The following SNX30 variants were observed in gnomAD, a reference collection of about 807,000 sequenced individuals.
SNX30 encodes the protein sorting nexin-30.
A neutral mutation model predicts 46.4 loss-of-function variants in SNX30; 24 were observed. The observed-to-expected ratio is 0.52, with a 90% CI of 0.37 to 0.73. The LOEUF is 0.73. SNX30 is among the 30% of genes least tolerant of loss of function. The probability of loss-of-function intolerance (pLI) is 0.00; values close to 1 mark genes in which losing one functional copy is unlikely to be tolerated. For missense variants in SNX30, 533 were observed against 555.7 expected, an observed-to-expected ratio of 0.96 and a Z score of 0.41; for synonymous variants, 189 against 211.5, an observed-to-expected ratio of 0.89 and a Z score of 0.92.
intron 1 of SNX30, among the ~76,000 whole-genome samples, chr9:112,790,276 GTT>G (rs1839998121): frequency 6.6e-6 from 1 of 152,172 alleles, no homozygotes; most frequent in African/African-American, 2.4e-5. Context: ...TATTTAGACT[GTT>G]AAAAATTATA....
chr9:112,751,272 G>T, intron 1 of SNX30, 115 bp downstream of exon 1: 1 of 1,229,484 alleles, frequency 8.1e-7, no homozygotes. Flanking sequence ...CCCTTCCCGG[G>T]GGACGGGCGT....
chr9:112,863,141 G>A (rs1276023748), intron 7 of SNX30, among the ~76,000 whole-genome samples: 2 of 152,294 alleles, frequency 1.3e-5, no homozygotes, highest in East Asian at 3.9e-4. Flanking sequence ...CCTCAGGCCT[G>A]TCTTTCTCAT....
intron 3 of SNX30, among the ~76,000 whole-genome samples, chr9:112,819,778 G>A (rs1283681558): frequency 6.6e-6 from 1 of 152,172 alleles, no homozygotes; most frequent in Non-Finnish European, 1.5e-5. Flanking sequence ...GGGGTAATGT[G>A]TTTGGGGAGG....
chr9:112,841,962 GA>G (rs1840866464), intron 6 of SNX30, among the ~76,000 whole-genome samples: 1 of 152,140 alleles, frequency 6.6e-6, no homozygotes, highest in Non-Finnish European at 1.5e-5. Context: ...TTATTTTTTG[GA>G]GATGGACTCT....
At chr9:112,794,833 G>A (rs1223419453) in intron 1 of SNX30, among the ~76,000 whole-genome samples, 2 of 152,126 alleles carry the variant, frequency 1.3e-5, no homozygotes, top group Admixed American at 6.5e-5. Flanking sequence ...TGAACCAGAG[G>A]AGTTTGTAAA....
intron 3 of SNX30, among the ~76,000 whole-genome samples, chr9:112,819,877 G>A (rs1241381158): frequency 1.3e-5 from 2 of 152,142 alleles, no homozygotes; most frequent in Non-Finnish European, 2.9e-5. Context: ...AACCTCCATC[G>A]CCTGACTTGA....
chr9:112,832,457 AGAGTGTGT>A (rs1244828273), intron 4 of SNX30, among the ~76,000 whole-genome samples: 6 of 112,398 alleles, frequency 5.3e-5, no homozygotes, highest in Admixed American at 1.9e-4. Context: ...AGAGAGAGAG[AGAGTGTGT>A]GTGTGTGTGT....
chr9:112,865,653 A>G (rs376954701), intron 8 of SNX30, among the ~76,000 whole-genome samples: 20,387 of 110,394 alleles, frequency 0.18, 3,013 homozygotes, highest in Non-Finnish European at 0.23. Flanking sequence ...ATATATATAT[A>G]TATATATATG....
chr9:112,834,480 G>A (rs1292428707), intron 4 of SNX30, among the ~76,000 whole-genome samples: 1 of 152,174 alleles, frequency 6.6e-6, no homozygotes, highest in Non-Finnish European at 1.5e-5. Flanking sequence ...CAGATGAAGA[G>A]TTGCATTGGG....
intron 2 of SNX30, among the ~76,000 whole-genome samples, chr9:112,809,351 A>G (rs2131409089): frequency 6.6e-6 from 1 of 152,030 alleles, no homozygotes; most frequent in East Asian, 1.9e-4. Context: ...AAGTGCTGGG[A>G]TTACAGGCGT....
At chr9:112,877,800 G>A (rs72751718), downstream of SNX30, 22,899 of 152,110 alleles carry the variant, frequency 0.15, 1,943 homozygotes, top group Non-Finnish European at 0.19. Flanking sequence ...GCTCACTGCA[G>A]CCTTGAACTC....
intron 7 of SNX30, among the ~76,000 whole-genome samples, chr9:112,863,191 G>T (rs1841264838): frequency 6.6e-6 from 1 of 152,158 alleles, no homozygotes; most frequent in Non-Finnish European, 1.5e-5. Context: ...ACGAGGCTTG[G>T]GTATAAACCT....
At chr9:112,819,574 C>T (rs1840460557) in intron 3 of SNX30, among the ~76,000 whole-genome samples, 1 of 152,080 alleles carries the variant, frequency 6.6e-6, no homozygotes, top group African/African-American at 2.4e-5. Flanking sequence ...GCCCAAGTTC[C>T]TTTTTTCTGT....
intron 2 of SNX30, among the ~76,000 whole-genome samples, chr9:112,808,141 G>C (rs1226871211): frequency 2.0e-5 from 3 of 152,198 alleles, no homozygotes; most frequent in Non-Finnish European, 4.4e-5. Context: ...GAGAATGAGA[G>C]AAAGAGAACA....
chr9:112,761,594 GA>G (rs1298787982), intron 1 of SNX30, among the ~76,000 whole-genome samples: 1 of 152,212 alleles, frequency 6.6e-6, no homozygotes. Context: ...AGAAAGATTA[GA>G]AAATATAAAG....
chr9:112,866,836 T>A (rs1373049405), intron 8 of SNX30, among the ~76,000 whole-genome samples: 1 of 112,298 alleles, frequency 8.9e-6, no homozygotes, highest in African/African-American at 3.6e-5. Flanking sequence ...TCCTCCCACC[T>A]CCTCAGAACT....
chr9:112,783,425 G>C (rs2131378058), intron 1 of SNX30, among the ~76,000 whole-genome samples: 1 of 152,326 alleles, frequency 6.6e-6, no homozygotes, highest in African/African-American at 2.4e-5. Flanking sequence ...CTTACACAGT[G>C]CCTGGCAGAG....
intron 7 of SNX30, among the ~76,000 whole-genome samples, chr9:112,860,144 C>T (rs1841204035): frequency 6.6e-6 from 1 of 152,070 alleles, no homozygotes; most frequent in Non-Finnish European, 1.5e-5. Flanking sequence ...GACAGGGTTT[C>T]ACCGTGTTGG....
Position 112,778,826 on chromosome 9 carries a change from G to A in SNX30, c.157-25950G>A, listed in dbSNP as rs115944169. 6.2e-3 allele frequency among the ~76,000 whole-genome samples: 935 copies of A among 150,492 alleles called. 12 individuals carry two copies. The highest frequency in any genetic ancestry group is 0.022 in the African/African-American group (885 of 40,994). ...AGTGCCAGAGGCAGGTGGATGAACAGGCAATGACAGCACAGATCATAAGTG... is the reference window on the plus strand; with the variant it reads ...AGTGCCAGAGGCAGGTGGATGAACAAGCAATGACAGCACAGATCATAAGTG... On this transcript the variant is annotated intron_variant, in intron 1 of 8. Coordinates refer to ENST00000374232, the MANE Select transcript of SNX30 (RefSeq NM_001012994.2).
Sources: allele counts gnomAD v4.1 joint callset (sites outside exome capture counted in the v4.1 genomes callset), GRCh38; gene constraint gnomAD v4.1.1; transcripts MANE v1.5; gene names NCBI Gene and HGNC (gene_info 2026-07-23, HGNC 2026-07-21).